PCDH15: variants seen among roughly 807,000 people sequenced by gnomAD.
The protein encoded by PCDH15 is protocadherin related 15.
PCDH15 carries 129 observed loss-of-function variants against 178.5 expected under a neutral mutation model. The observed-to-expected ratio is 0.72, with a 90% CI of 0.63 to 0.84. The LOEUF is 0.84. Ranked by LOEUF, PCDH15 falls within the 40% of genes least tolerant of loss-of-function variation. The pLI is 0.00. For synonymous variants in PCDH15, 800 were observed against 732.0 expected (o/e 1.09, Z -1.50); for missense variants, 2,230 against 2,099.9 (o/e 1.06, Z -1.21).
At chr10:54,062,248 A>C (rs201139918) in intron 18 of PCDH15, among the ~76,000 whole-genome samples, 27,197 of 119,916 alleles carry the variant, frequency 0.23, 3,823 homozygotes, top group Non-Finnish European at 0.26. Context: ...AAAAAAAAAA[A>C]AAAACAAAAA....
intron 15 of PCDH15, among the ~76,000 whole-genome samples, chr10:54,131,759 T>A (rs150400243): frequency 6.6e-6 from 1 of 152,314 alleles, no homozygotes; most frequent in Non-Finnish European, 1.5e-5. Context: ...TTAGAAGTGA[T>A]GAAAACTCAA....
chr10:53,824,620 T>A (rs1006316134), intron 32 of PCDH15, among the ~76,000 whole-genome samples: 4 of 152,122 alleles, frequency 2.6e-5, no homozygotes, highest in African/African-American at 9.6e-5. Context: ...CAATCTGGAC[T>A]AATCAGAGTG....
At position 54,045,020 on chromosome 10, in the gene PCDH15, C is replaced by T. The variant is rs75534311; in HGVS notation, c.2220+21737G>A. Among the ~76,000 whole-genome samples the T allele has an allele frequency of 7.0e-3, 1,058 of 152,198 alleles. 10 individuals carry two copies. The highest frequency in any genetic ancestry group is 0.024 in the African/African-American group (995 of 41,522). ...CACTGGATCTGTTGGCACTAATATA[C>T]AGTACCACCCAGCAGTGCTGACCTA... On this transcript the variant is annotated intron_variant, in intron 18 of 37. Transcript: ENST00000644397.
At chr10:53,900,950 A>G (rs2082296475) in intron 26 of PCDH15, among the ~76,000 whole-genome samples, 1 of 152,166 alleles carries the variant, frequency 6.6e-6, no homozygotes. Flanking sequence ...GATTAGTAAC[A>G]TAAGTGGTGA....
At position 54,538,906 on chromosome 10, in the gene PCDH15, T is replaced by C. The variant is rs192370241; in HGVS notation, c.92-11029A>G. On this transcript the variant is annotated intron_variant, in intron 2 of 37. Transcript: ENST00000644397. ...ACTACTACAGATTGCTTTGTCTATT[T>C]GGGTTCTTTTTGGTTCCATATGAAT... 5.9e-5 allele frequency among the ~76,000 whole-genome samples: 9 copies of C among 152,326 alleles called. No individual in the cohort carries two copies. The East Asian group carries it at 1.7e-3, about 29-fold the overall frequency.
intron 26 of PCDH15, among the ~76,000 whole-genome samples, chr10:53,879,642 A>C (rs1364652519): frequency 2.6e-5 from 4 of 152,236 alleles, no homozygotes; most frequent in African/African-American, 9.6e-5. Context: ...CAAAACCAAC[A>C]TTCAAACTAA....
intron 15 of PCDH15, among the ~76,000 whole-genome samples, chr10:54,122,994 C>T (rs34012938): frequency 1.3e-5 from 2 of 152,082 alleles, no homozygotes; most frequent in South Asian, 4.2e-4. Context: ...TGGATACCTA[C>T]CTTTTACTAC....
chr10:54,929,819 G>C (rs1397564973), intron 2 of PCDH15, among the ~76,000 whole-genome samples: 1 of 152,154 alleles, frequency 6.6e-6, no homozygotes, highest in Non-Finnish European at 1.5e-5. Context: ...GTTCTCAACA[G>C]TTTTACTTTC....
At chr10:55,012,788 C>A (rs943874803) in intron 2 of PCDH15, among the ~76,000 whole-genome samples, 1 of 151,972 alleles carries the variant, frequency 6.6e-6, no homozygotes. Flanking sequence ...CAGTGCAAGG[C>A]CCCTTTATCT....
intron 3 of PCDH15, among the ~76,000 whole-genome samples, chr10:54,507,674 C>T (rs2081284939): frequency 6.6e-6 from 1 of 151,790 alleles, no homozygotes; most frequent in South Asian, 2.1e-4. Context: ...GATGAGAGTA[C>T]TGAAATATAA....
chr10:54,735,457 G>A (rs1205782139), intron 1 of PCDH15, among the ~76,000 whole-genome samples: 1 of 151,336 alleles, frequency 6.6e-6, no homozygotes, highest in Admixed American at 6.6e-5. Flanking sequence ...AGTCAGTGTG[G>A]CGATTCCTCA....
chr10:55,252,408 T>C (rs1841862102), intron 1 of PCDH15, among the ~76,000 whole-genome samples: 2 of 152,128 alleles, frequency 1.3e-5, no homozygotes, highest in Admixed American at 6.5e-5. Context: ...AAAAATGGAA[T>C]ATCCACTTAC....
intron 2 of PCDH15, among the ~76,000 whole-genome samples, chr10:55,125,163 T>TTTTG (rs1554833072): frequency 8.4e-5 from 12 of 142,980 alleles, no homozygotes; most frequent in Non-Finnish European, 7.6e-5. Context: ...TTTTTTTTAA[T>TTTTG]TGTGTGTGTG....
intron 29 of PCDH15, among the ~76,000 whole-genome samples, chr10:53,837,008 A>C (rs1049483749): frequency 1.3e-5 from 2 of 152,138 alleles, no homozygotes; most frequent in South Asian, 4.1e-4. Context: ...TGAGTTCATC[A>C]ATAGGCTAAC....
chr10:54,525,865 T>C (rs2083312435), intron 3 of PCDH15, among the ~76,000 whole-genome samples: 1 of 152,212 alleles, frequency 6.6e-6, no homozygotes, highest in Non-Finnish European at 1.5e-5. Flanking sequence ...ATTAAAGCAC[T>C]ACATTATAAT....
chr10:55,320,731 G>T (rs1843873104), upstream of PCDH15, among the ~76,000 whole-genome samples: 1 of 152,018 alleles, frequency 6.6e-6, no homozygotes, highest in Non-Finnish European at 1.5e-5. Context: ...GTTATAACAT[G>T]ATCAAACCCC....
intron 2 of PCDH15, among the ~76,000 whole-genome samples, chr10:54,573,320 C>T (rs1291550181): frequency 6.6e-6 from 1 of 152,084 alleles, no homozygotes; most frequent in Admixed American, 6.6e-5. Context: ...ATAAAAAACA[C>T]TTAACCAAAG....
intron 2 of PCDH15, among the ~76,000 whole-genome samples, chr10:54,966,238 G>C (rs1385259323): frequency 6.6e-6 from 1 of 151,846 alleles, no homozygotes; most frequent in African/African-American, 2.4e-5. Context: ...AAAGATAGCA[G>C]CAAGGTAAAA....
At chr10:55,059,919 C>A (rs180753289) in intron 2 of PCDH15, among the ~76,000 whole-genome samples, 263 of 151,618 alleles carry the variant, frequency 1.7e-3, no homozygotes, top group African/African-American at 6.0e-3. Flanking sequence ...GAAATAATAT[C>A]ATAAAACTGA....
Sources: allele counts gnomAD v4.1 joint callset (sites outside exome capture counted in the v4.1 genomes callset), GRCh38; gene constraint gnomAD v4.1.1; transcripts MANE v1.5; gene names NCBI Gene and HGNC (gene_info 2026-07-23, HGNC 2026-07-21).